The following PARD3B variants were observed in gnomAD, a reference collection of about 807,000 sequenced individuals.
PARD3B encodes the protein partitioning defective 3 homolog B.
In PARD3B, 103 loss-of-function variants were observed where a neutral mutation model predicts 130.2. The observed-to-expected ratio is 0.79, with a 90% confidence interval of 0.67 to 0.93. The LOEUF is 0.93. Ranked by LOEUF, PARD3B falls within the 40% of genes least tolerant of loss-of-function variation. The pLI, the probability that PARD3B is intolerant of heterozygous loss-of-function variation, is 0.00. For missense variants in PARD3B, 1,609 were observed against 1,499.2 expected (o/e 1.07, Z -1.21); for synonymous variants, 583 against 553.2 (o/e 1.05, Z -0.76).
chr2:204,758,400 AT>A (rs2040766054), intron 2 of PARD3B, among the ~76,000 whole-genome samples: 1 of 152,136 alleles, frequency 6.6e-6, no homozygotes, highest in African/African-American at 2.4e-5. Flanking sequence ...TGTCATTGCA[AT>A]GTTTATATTT....
At chr2:204,912,902 C>T (rs774638040) in intron 2 of PARD3B, among the ~76,000 whole-genome samples, 3 of 152,040 alleles carry the variant, frequency 2.0e-5, no homozygotes, top group Admixed American at 6.5e-5. Context: ...GAATACTAAC[C>T]ATAACAAATA....
At position 205,259,162 on chromosome 2, in the gene PARD3B, T is replaced by C. The variant is rs35443147; in HGVS notation, c.2185+13340T>C. On this transcript the variant is annotated intron_variant, in intron 16 of 22. Coordinates refer to ENST00000406610, the MANE Select transcript of PARD3B (RefSeq NM_001302769.2). ...TAATTTCAGTGTTTTATGCATTCAA[T>C]ATTTGTTCAGACTTCTCCAAGTATT... Among the ~76,000 whole-genome samples the C allele has an allele frequency of 5.4e-3, 828 of 152,292 alleles. 4 individuals carry two copies. Among genetic ancestry groups the C allele is most frequent in the Middle Eastern group, 0.02 (6 of 294 alleles).
chr2:205,522,444 T>G (rs2051116741), intron 21 of PARD3B, among the ~76,000 whole-genome samples: 1 of 152,002 alleles, frequency 6.6e-6, no homozygotes, highest in Non-Finnish European at 1.5e-5. Context: ...CGTCTCCCAT[T>G]TTTGCCTGGT....
chr2:205,259,001 AATT>A (rs1429704608), intron 16 of PARD3B, among the ~76,000 whole-genome samples: 5 of 152,138 alleles, frequency 3.3e-5, no homozygotes, highest in African/African-American at 1.2e-4. Flanking sequence ...CAAAATCTAA[AATT>A]AGTCTGTATC....
At position 205,078,663 on chromosome 2, in the gene PARD3B, T is replaced by C. The variant is rs1701218213; in HGVS notation, c.505-25763T>C. Among the ~76,000 whole-genome samples, 1 of 152,212 alleles carries C rather than the reference T, an allele frequency of 6.6e-6. No homozygotes were observed. The highest frequency in any genetic ancestry group is 2.4e-5 in the African/African-American group (1 of 41,460). On this transcript the variant is annotated intron_variant, in intron 4 of 22. Coordinates refer to ENST00000406610, the MANE Select transcript of PARD3B (RefSeq NM_001302769.2). This position sits in a 1 kb window ranked among gnomAD's most constrained non-coding sequence, Gnocchi z 4.0. ...AGTGAAGAGCTGAGGTCTAATGTCCTCTCTTCTTGAATCTGGACTGGCCCA... is the reference window on the plus strand; with the variant it reads ...AGTGAAGAGCTGAGGTCTAATGTCCCCTCTTCTTGAATCTGGACTGGCCCA...
intron 22 of PARD3B, among the ~76,000 whole-genome samples, chr2:205,594,261 G>C (rs1167364008): frequency 6.6e-6 from 1 of 152,202 alleles, no homozygotes; most frequent in Non-Finnish European, 1.5e-5. Flanking sequence ...CCTATCCGAG[G>C]TCCCTTCTCA....
rs985035786 is a variant in PARD3B at position 204,606,519 on chromosome 2, A to G, written c.120+60400A>G. 2.6e-5 allele frequency among the ~76,000 whole-genome samples: 4 copies of G among 152,200 alleles called. No individual in the cohort carries two copies. The highest frequency in any genetic ancestry group is 9.7e-5 in the African/African-American group (4 of 41,450). On this transcript the variant is annotated intron_variant, in intron 1 of 22. Transcript: ENST00000406610. This position sits in a 1 kb window ranked among gnomAD's most constrained non-coding sequence, Gnocchi z 4.0. ...GCACTGACTTTTAAAGCTTCTGCAC[A>G]GAGAGACCCATGTTACTTCTGCTCA...
chr2:205,285,300 G>A (rs1209193919), intron 16 of PARD3B, among the ~76,000 whole-genome samples: 2 of 151,802 alleles, frequency 1.3e-5, no homozygotes, highest in African/African-American at 2.4e-5. Context: ...TATTATTATT[G>A]TTGTTGTTGT....
intron 1 of PARD3B, among the ~76,000 whole-genome samples, chr2:204,553,537 GGT>G (rs36193401): frequency 0.64 from 86,916 of 135,936 alleles, 29,303 homozygotes; most frequent in Non-Finnish European, 0.74. Flanking sequence ...GAATCTGTGG[GGT>G]GTGTGTGTGT....
At chr2:204,684,315 AC>A (rs902622410) in intron 1 of PARD3B, among the ~76,000 whole-genome samples, 15 of 152,224 alleles carry the variant, frequency 9.9e-5, no homozygotes, top group Non-Finnish European at 2.2e-4. Flanking sequence ...CTTTTTATAA[AC>A]ATGGTTAAAA....
At chr2:205,117,029 A>T (rs1187290334) in intron 6 of PARD3B, among the ~76,000 whole-genome samples, 2 of 152,178 alleles carry the variant, frequency 1.3e-5, no homozygotes, top group African/African-American at 4.8e-5. Context: ...ATTAAATTAA[A>T]GGAAGACTTG....
chr2:204,742,724 A>C (rs1463759515), intron 2 of PARD3B, among the ~76,000 whole-genome samples: 1 of 152,202 alleles, frequency 6.6e-6, no homozygotes, highest in Non-Finnish European at 1.5e-5. Context: ...CTTGTCACTA[A>C]CTTGATCTGC....
chr2:204,901,869 T>A (rs1225495293), intron 2 of PARD3B, among the ~76,000 whole-genome samples: 1 of 152,132 alleles, frequency 6.6e-6, no homozygotes, highest in African/African-American at 2.4e-5. Flanking sequence ...CCCTTCTGGC[T>A]CAGGGTGTGC....
At chr2:204,640,691 G>A (rs183887378) in intron 1 of PARD3B, among the ~76,000 whole-genome samples, 2 of 152,146 alleles carry the variant, frequency 1.3e-5, no homozygotes, top group East Asian at 3.9e-4. Flanking sequence ...GATGGAGTGT[G>A]CCATCTCTTC....
chr2:204,961,255 G>T (rs967433361), intron 2 of PARD3B, among the ~76,000 whole-genome samples: 1 of 152,144 alleles, frequency 6.6e-6, no homozygotes, highest in African/African-American at 2.4e-5. Context: ...GAGGCAGTGG[G>T]TAGAAACAAG....
chr2:204,567,294 A>G (rs1393975132), intron 1 of PARD3B, among the ~76,000 whole-genome samples: 1 of 152,078 alleles, frequency 6.6e-6, no homozygotes, highest in Non-Finnish European at 1.5e-5. Flanking sequence ...TTGTTGTGCA[A>G]CTGTCGCCAC....
intron 18 of PARD3B, among the ~76,000 whole-genome samples, chr2:205,363,259 G>A (rs905803913): frequency 6.6e-6 from 1 of 152,080 alleles, no homozygotes; most frequent in Non-Finnish European, 1.5e-5. Context: ...TTCCAGAATT[G>A]AGAACTGTCC....
At chr2:204,556,931 GC>G (rs1480512565) in intron 1 of PARD3B, among the ~76,000 whole-genome samples, 3 of 151,718 alleles carry the variant, frequency 2.0e-5, no homozygotes, top group Admixed American at 6.6e-5. Context: ...GTAGCTAAAG[GC>G]CATGGTTACC....
chr2:204,642,696 G>A (rs531794953), intron 1 of PARD3B, among the ~76,000 whole-genome samples: 4 of 152,190 alleles, frequency 2.6e-5, no homozygotes, highest in Non-Finnish European at 5.9e-5. Flanking sequence ...TCCCACTCAA[G>A]TTTCATGTCG....
Sources: allele counts gnomAD v4.1 joint callset (sites outside exome capture counted in the v4.1 genomes callset), GRCh38; gene constraint gnomAD v4.1.1; non-coding constraint Gnocchi (gnomAD v3.1); transcripts MANE v1.5; gene names NCBI Gene and HGNC (gene_info 2026-07-23, HGNC 2026-07-21).